The following ST6GALNAC3 variants were observed in gnomAD, a reference collection of about 807,000 sequenced individuals.
ST6GALNAC3 encodes alpha-N-acetylgalactosaminide alpha-2,6-sialyltransferase 3.
ST6GALNAC3 carries 25 observed loss-of-function variants against 32.7 expected under a neutral mutation model. That is an observed-to-expected ratio of 0.76 (90% confidence interval 0.56 to 1.07). The LOEUF (loss-of-function observed/expected upper bound fraction) is 1.07, where lower values mean the gene tolerates loss of function less well. ST6GALNAC3 is among the 50% of genes least tolerant of loss of function. ST6GALNAC3 has a pLI of 0.00. For missense variants in ST6GALNAC3, 355 were observed against 382.4 expected (o/e 0.93, Z 0.60); for synonymous variants, 129 against 133.1 (o/e 0.97, Z 0.21).
In ST6GALNAC3 at chr1:76,494,770, T is replaced by C. The variant is rs866744198; in HGVS notation, c.623+82353T>C. 4.1e-3 allele frequency among the ~76,000 whole-genome samples: 417 copies of C among 101,296 alleles called. 3 individuals carry two copies. The highest frequency in any genetic ancestry group is 0.015 in the African/African-American group (387 of 26,110). 66.5% of individuals were successfully genotyped at this position (101,296 alleles called of 152,430 possible). A position where few individuals can be genotyped will look rare whatever the true frequency, so the allele number is the denominator to read the frequency against. ...ACACACACACACACACACACACACA[T>C]ATATATGTAGGAAGAGATTTATTGT... On this transcript the variant is annotated intron_variant, in intron 3 of 4. Transcript: ENST00000328299.
chr1:76,159,781 C>T (rs914570413), intron 1 of ST6GALNAC3, among the ~76,000 whole-genome samples: 5 of 152,150 alleles, frequency 3.3e-5, no homozygotes, highest in Non-Finnish European at 7.4e-5. Context: ...CAATAATTCA[C>T]AGAATACCTA....
At chr1:76,121,773 G>A (rs1648894183) in intron 1 of ST6GALNAC3, among the ~76,000 whole-genome samples, 1 of 152,100 alleles carries the variant, frequency 6.6e-6, no homozygotes, top group Non-Finnish European at 1.5e-5. Flanking sequence ...AAACCCTCCA[G>A]GAGGTTTATA....
chr1:76,378,668 C>A (rs533680928), intron 2 of ST6GALNAC3, among the ~76,000 whole-genome samples: 376 of 148,054 alleles, frequency 2.5e-3, no homozygotes, highest in Admixed American at 4.7e-3. Flanking sequence ...TTCCCCCCCC[C>A]AAAAAAAAAA....
chr1:76,274,068 T>C (rs1659003522), intron 1 of ST6GALNAC3, among the ~76,000 whole-genome samples: 1 of 152,150 alleles, frequency 6.6e-6, no homozygotes, highest in Non-Finnish European at 1.5e-5. Flanking sequence ...AGCTAATATT[T>C]TCATATTTTC....
chr1:76,408,498 A>G (rs1037265850), intron 2 of ST6GALNAC3, among the ~76,000 whole-genome samples: 1 of 152,018 alleles, frequency 6.6e-6, no homozygotes, highest in African/African-American at 2.4e-5. Context: ...GTTGTTCCCA[A>G]TGTTTGCCCT....
chr1:76,146,749 T>C (rs938515635), intron 1 of ST6GALNAC3, among the ~76,000 whole-genome samples: 1 of 152,250 alleles, frequency 6.6e-6, no homozygotes, highest in African/African-American at 2.4e-5. Context: ...ATTTAGACAG[T>C]TAAATATCAT....
chr1:76,239,831 A>G (rs971153568), intron 1 of ST6GALNAC3, among the ~76,000 whole-genome samples: 2 of 152,230 alleles, frequency 1.3e-5, no homozygotes, highest in African/African-American at 4.8e-5. Context: ...GAAATTGGAT[A>G]CAGGGCTGAG....
intron 2 of ST6GALNAC3, among the ~76,000 whole-genome samples, chr1:76,362,611 A>G (rs1469337794): frequency 6.6e-6 from 1 of 152,246 alleles, no homozygotes; most frequent in Non-Finnish European, 1.5e-5. Flanking sequence ...GGTTATAGAC[A>G]TTGGGTAAAT....
chr1:76,411,849 T>C (rs1222345098), intron 2 of ST6GALNAC3, 159 bp from the exon 3 acceptor site: 2 of 689,176 alleles, frequency 2.9e-6, no homozygotes, highest in South Asian at 2.5e-5. Flanking sequence ...GTTAACTTGA[T>C]AATCTGTGGC....
At chr1:76,582,675 G>C (rs1272506362) in intron 3 of ST6GALNAC3, among the ~76,000 whole-genome samples, 1 of 152,122 alleles carries the variant, frequency 6.6e-6, no homozygotes, top group Non-Finnish European at 1.5e-5. Flanking sequence ...ACAGTATTAA[G>C]TATTAAAAAT....
chr1:76,170,377 G>A (rs1652408503), intron 1 of ST6GALNAC3, among the ~76,000 whole-genome samples: 1 of 152,194 alleles, frequency 6.6e-6, no homozygotes, highest in African/African-American at 2.4e-5. Flanking sequence ...TGGCTTGGGG[G>A]TGGGGTGCTG....
At chr1:76,113,161 C>T (rs1012631712) in intron 1 of ST6GALNAC3, among the ~76,000 whole-genome samples, 33 of 152,070 alleles carry the variant, frequency 2.2e-4, no homozygotes, top group African/African-American at 7.0e-4. Flanking sequence ...CACAGCGAAA[C>T]CCCGTCTCCA....
chr1:76,463,578 T>C (rs1466322112), intron 3 of ST6GALNAC3, among the ~76,000 whole-genome samples: 1 of 152,178 alleles, frequency 6.6e-6, no homozygotes, highest in African/African-American at 2.4e-5. Flanking sequence ...GAAATGAATA[T>C]TTGTTGAGTG....
intron 1 of ST6GALNAC3, among the ~76,000 whole-genome samples, chr1:76,162,126 T>C (rs1435578810): frequency 6.6e-6 from 1 of 152,230 alleles, no homozygotes; most frequent in Non-Finnish European, 1.5e-5. Context: ...TTGGCTTTGC[T>C]GCTTAACAGC....
At chr1:76,219,240 C>T (rs1251414790) in intron 1 of ST6GALNAC3, among the ~76,000 whole-genome samples, 1 of 152,186 alleles carries the variant, frequency 6.6e-6, no homozygotes, top group East Asian at 1.9e-4. Context: ...TATGGCTGTT[C>T]CTGCTCTGCT....
chr1:76,131,271 G>A (rs1008695047), intron 1 of ST6GALNAC3, among the ~76,000 whole-genome samples: 25 of 152,166 alleles, frequency 1.6e-4, no homozygotes, highest in African/African-American at 5.3e-4. Context: ...GTGATCGAGC[G>A]AAAAGCCAAG....
chr1:76,327,510 G>T (rs1473144540), intron 2 of ST6GALNAC3, among the ~76,000 whole-genome samples: 1 of 152,088 alleles, frequency 6.6e-6, no homozygotes, highest in Non-Finnish European at 1.5e-5. Flanking sequence ...ATTGGATAAG[G>T]CCTATCCAGT....
In ST6GALNAC3 at chr1:76,282,117, T is replaced by G. The variant is rs547455606; in HGVS notation, c.19-31688T>G. The stretch of plus-strand genomic sequence containing the variant: ...TATGAGGAGACAAGAATTATATGTG[T>G]TCCTTGTTTTTTTCTCCTTCTGCTT... On this transcript the variant is annotated intron_variant, in intron 1 of 4. Transcript: ENST00000328299. 1.7e-4 allele frequency among the ~76,000 whole-genome samples: 26 copies of G among 152,172 alleles called. No homozygotes were observed. In the South Asian group the frequency reaches 3.3e-3, roughly 19 times the overall value.
chr1:76,411,240 T>C (rs1654215597), intron 2 of ST6GALNAC3, among the ~76,000 whole-genome samples: 1 of 152,120 alleles, frequency 6.6e-6, no homozygotes, highest in South Asian at 2.1e-4. Context: ...TGCAGCTTTA[T>C]CATCTCCAAG....
Sources: allele counts gnomAD v4.1 joint callset (sites outside exome capture counted in the v4.1 genomes callset), GRCh38; gene constraint gnomAD v4.1.1; transcripts MANE v1.5; gene names NCBI Gene and HGNC (gene_info 2026-07-23, HGNC 2026-07-21).